The following PRDM4 variants were observed in gnomAD, a reference collection of about 807,000 sequenced individuals.
The protein encoded by PRDM4 is PR/SET domain 4, also known as PR domain zinc finger protein 4.
A neutral mutation model predicts 62.3 loss-of-function variants in PRDM4; 38 were observed. The ratio of observed to expected loss-of-function variants is 0.61; its 90% confidence interval spans 0.47 to 0.80. The LOEUF is 0.80. PRDM4 is among the 30% of genes least tolerant of loss of function. The pLI is 0.00. For synonymous variants in PRDM4, 339 were observed against 348.2 expected (o/e 0.97, Z 0.30); for missense variants, 858 against 997.1 (o/e 0.86, Z 1.88).
chr12:107,744,168 T>C (rs866721302), intron 7 of PRDM4, among the ~76,000 whole-genome samples: 1 of 152,012 alleles, frequency 6.6e-6, no homozygotes, highest in Non-Finnish European at 1.5e-5. Context: ...TATTCCAGAA[T>C]TATTTCCTAA....
rs1430060634 is a variant in PRDM4 at position 107,760,647 on chromosome 12, G to A, written c.-132C>T. On this transcript the variant is annotated 5_prime_UTR_variant, in exon 2 of 12. Transcript: ENST00000228437. ...GCACCGACGCGGCCACTCGTCCCCG[G>A]GGTCGCCCGGGGCCGCCCAACTTCT... 3.4e-6 allele frequency: 4 copies of A among 1,182,448 alleles called. No individual in the cohort carries two copies. The East Asian group carries it at 8.4e-5, about 25-fold the overall frequency. 73.2% of individuals were successfully genotyped at this position (1,182,448 alleles called of 1,614,324 possible). A position where few individuals can be genotyped will look rare whatever the true frequency, so the allele number is the denominator to read the frequency against.
At chr12:107,739,296 TC>T (rs1890438501) in intron 11 of PRDM4, 86 bp downstream of exon 11, 1 of 1,448,734 alleles carries the variant, frequency 6.9e-7, no homozygotes, top group African/African-American at 1.4e-5. Flanking sequence ...GAGCCAGGAC[TC>T]CCCAGCCCTT....
At chr12:107,743,420 TTCTCC>T in intron 7 of PRDM4, 138 bp from the exon 8 acceptor site, 1 of 614,204 alleles carries the variant, frequency 1.6e-6, no homozygotes, top group Non-Finnish European at 2.9e-6. Context: ...ATATTCCTAC[TTCTCC>T]AACATGCTAT....
In PRDM4 at chr12:107,757,385, C is replaced by T. The variant is rs551016376; in HGVS notation, c.12-420G>A. 8.1e-4 allele frequency among the ~76,000 whole-genome samples: 123 copies of T among 152,148 alleles called. 1 individual carries two copies. Among genetic ancestry groups the T allele is most frequent in the Non-Finnish European group, 2.6e-4 (18 of 68,030 alleles). ...GTTTTAGGCAGCGCATTTTAACCTA[C>T]TCAAGTAAATTTTACTAATCATTTT... On this transcript the variant is annotated intron_variant, in intron 2 of 11. Transcript: ENST00000228437.
At position 107,733,898 on chromosome 12, in the gene PRDM4, GAGC is replaced by G; in HGVS notation, c.*309_*311del. On this transcript the variant is annotated 3_prime_UTR_variant, in exon 12 of 12. Coordinates refer to ENST00000228437, the MANE Select transcript of PRDM4 (RefSeq NM_012406.4). ...AATGTGAAATAAATCTGATTTGTTT[GAGC>G]AGAAGGCAGCTTTGATTCAGGCATA... 1 of 281,046 alleles carries G rather than the reference GAGC, an allele frequency of 3.6e-6. No individual in the cohort carries two copies. The highest frequency in any genetic ancestry group is 6.6e-6 in the Non-Finnish European group (1 of 150,958). The allele number at this position is 281,046 out of a possible 1,614,324, so 17.4% of individuals were successfully genotyped here.
At chr12:107,741,998 AC>A (rs1163264417) in intron 9 of PRDM4, among the ~76,000 whole-genome samples, 1 of 152,206 alleles carries the variant, frequency 6.6e-6, no homozygotes, top group East Asian at 1.9e-4. Context: ...CCAAAGTCCT[AC>A]CATAAAAGAC....
intron 5 of PRDM4, among the ~76,000 whole-genome samples, chr12:107,749,363 T>C (rs1326407746): frequency 6.6e-6 from 1 of 151,734 alleles, no homozygotes; most frequent in Non-Finnish European, 1.5e-5. Flanking sequence ...CCTCTGCCTT[T>C]CACTACTACC....
At chr12:107,746,069 A>C (rs1566096183) in intron 6 of PRDM4, among the ~76,000 whole-genome samples, 1 of 152,262 alleles carries the variant, frequency 6.6e-6, no homozygotes, top group Non-Finnish European at 1.5e-5. Context: ...TGATTCTAAC[A>C]AAGGAGAGAT....
chr12:107,752,835 C>T (rs901638154), intron 4 of PRDM4, among the ~76,000 whole-genome samples: 1 of 152,092 alleles, frequency 6.6e-6, no homozygotes, highest in South Asian at 2.1e-4. Flanking sequence ...TTCTCTAAAT[C>T]CATTTTGTAA....
At chr12:107,747,063 CT>C (rs1252456004) in intron 5 of PRDM4, among the ~76,000 whole-genome samples, 3 of 152,024 alleles carry the variant, frequency 2.0e-5, no homozygotes, top group Non-Finnish European at 4.4e-5. Context: ...GGGAGGATCA[CT>C]TGAGTCCAGG....
rs940716413 is a variant in PRDM4 at position 107,753,938 on chromosome 12, C to G, written c.317G>C (p.Arg106Thr). The change falls in exon 4 of 12, where the codon AGA becomes ACA. Residue 106 changes from arginine (R) to threonine (T), a missense_variant. By Grantham distance (71) the Arg-to-Thr change is moderately conservative (BLOSUM62 -1). Transcript: ENST00000228437. Reference protein sequence around the residue: ...PYPHLESSYFRTILPGILSYL... With the variant: ...PYPHLESSYFTTILPGILSYL... The stretch of plus-strand genomic sequence containing the variant: ...GTAACACTTACCAGGTAGAATGGTT[C>G]TGAAATAACTGCTCTCCAGGTGAGG... 3 of 1,613,234 alleles carry G rather than the reference C, an allele frequency of 1.9e-6. No homozygotes were observed. The highest frequency in any genetic ancestry group is 2.5e-6 in the Non-Finnish European group (3 of 1,179,818).
At chr12:107,735,904 C>T (rs1326994287) in intron 11 of PRDM4, among the ~76,000 whole-genome samples, 1 of 152,018 alleles carries the variant, frequency 6.6e-6, no homozygotes, top group East Asian at 1.9e-4. Flanking sequence ...TAGCATTTCT[C>T]TCATCCTCTT....
chr12:107,734,838 C>T (rs1224808308), intron 11 of PRDM4, among the ~76,000 whole-genome samples: 20 of 152,226 alleles, frequency 1.3e-4, no homozygotes, highest in Admixed American at 1.3e-3. Context: ...TGTTTGTTCC[C>T]TTCCACTGCT....
intron 2 of PRDM4, 96 bp from the exon 3 acceptor site, chr12:107,757,061 T>C: frequency 5.3e-6 from 7 of 1,310,128 alleles, no homozygotes; most frequent in Non-Finnish European, 7.4e-6. Flanking sequence ...GATGGGGAAA[T>C]GGGACTTGGC....
At chr12:107,750,309 G>T (rs541036069) in intron 5 of PRDM4, among the ~76,000 whole-genome samples, 54 of 152,208 alleles carry the variant, frequency 3.5e-4, no homozygotes, top group Admixed American at 7.2e-4. Context: ...ACTCTGGGAG[G>T]CTGAAGCAGG....
At chr12:107,752,789 T>C (rs944347473) in intron 4 of PRDM4, among the ~76,000 whole-genome samples, 2 of 152,196 alleles carry the variant, frequency 1.3e-5, no homozygotes. Flanking sequence ...AAAATGTTAA[T>C]ACCCTCTTGC....
Position 107,751,842 on chromosome 12 carries a change from TTCATGACTTCTG to T in PRDM4, c.687_698del (p.Arg230_Glu233del). On this transcript the variant is annotated inframe_deletion, in exon 5 of 12. Transcript: ENST00000228437. ...TGCTCACAGAATCCACAGACAGAGG[TTCATGACTTCTG>T]GAGCCATTTGGGATTTGGGAATGCT... 6.2e-7 allele frequency: 1 copy of T among 1,614,174 alleles called. No individual in the cohort carries two copies. Among genetic ancestry groups the T allele is most frequent in the Non-Finnish European group, 8.5e-7 (1 of 1,180,026 alleles).
At chr12:107,736,264 T>G (rs7968311) in intron 11 of PRDM4, among the ~76,000 whole-genome samples, 96,926 of 152,090 alleles carry the variant, frequency 0.64, 31,163 homozygotes, top group East Asian at 0.7. Context: ...CGTGGTATCA[T>G]ATAGCAATAA....
intron 7 of PRDM4, among the ~76,000 whole-genome samples, chr12:107,744,127 A>AG (rs1890611608): frequency 6.6e-6 from 1 of 152,186 alleles, no homozygotes; most frequent in Non-Finnish European, 1.5e-5. Flanking sequence ...GAAGAAAAAA[A>AG]AAGAAAACTA....
Sources: allele counts gnomAD v4.1 joint callset (sites outside exome capture counted in the v4.1 genomes callset), GRCh38; gene constraint gnomAD v4.1.1; transcripts MANE v1.5; gene names NCBI Gene and HGNC (gene_info 2026-07-23, HGNC 2026-07-21).